UNKL: variants seen among roughly 807,000 people sequenced by gnomAD.
UNKL encodes the protein putative E3 ubiquitin-protein ligase UNKL.
A neutral mutation model predicts 78.0 loss-of-function variants in UNKL; 60 were observed. That is an observed-to-expected ratio of 0.77 (90% CI 0.63 to 0.95). UNKL has a LOEUF of 0.95. Among genes scored for constraint, UNKL ranks in the 40% least tolerant of loss-of-function variants. The pLI is 0.00. For synonymous variants in UNKL, 608 were observed against 474.8 expected (o/e 1.28, Z -3.65); for missense variants, 1,159 against 1,045.7 (o/e 1.11, Z -1.49).
chr16:1,395,829 G>A (rs2037236289), intron 6 of UNKL: 2 of 442,566 alleles, frequency 4.5e-6, no homozygotes, highest in African/African-American at 2.0e-5. Flanking sequence ...ACACCATTGA[G>A]TGTGTGGTCA....
Position 1,366,067 on chromosome 16 carries a change from G to T in UNKL, c.*173C>A. On this transcript the variant is annotated 3_prime_UTR_variant, in exon 15 of 15. Coordinates refer to ENST00000389221, the MANE Select transcript of UNKL (RefSeq NM_001372107.1). ...TAGGTGACAACGTGTGACAGGAAAGGCTGTCAGGCCAAGCGCAGGCGGGGC... is the reference window on the plus strand; with the variant it reads ...TAGGTGACAACGTGTGACAGGAAAGTCTGTCAGGCCAAGCGCAGGCGGGGC... The T allele has an allele frequency of 1.5e-6, 1 of 685,084 alleles. No homozygotes were observed. Among genetic ancestry groups the T allele is most frequent in the Non-Finnish European group, 2.2e-6 (1 of 449,128 alleles). The allele number at this position is 685,084 out of a possible 1,614,324, so 42.4% of individuals were successfully genotyped here.
intron 2 of UNKL, chr16:1,406,169 G>A (rs2037753821): frequency 2.5e-6 from 1 of 397,678 alleles, no homozygotes. Context: ...TGAAACAGCT[G>A]GGGGTGATGG....
At chr16:1,370,096 C>T (rs369723708) in intron 12 of UNKL, 34 bp downstream of exon 12, 23 of 1,542,198 alleles carry the variant, frequency 1.5e-5, no homozygotes, top group East Asian at 2.5e-5. Flanking sequence ...GGAGGCTTCA[C>T]GGCAACGCCA....
At chr16:1,382,988 A>ACACAT (rs2036659513) in intron 10 of UNKL, among the ~76,000 whole-genome samples, 1 of 151,266 alleles carries the variant, frequency 6.6e-6, no homozygotes, top group African/African-American at 2.4e-5. Flanking sequence ...TGCCGGGCAC[A>ACACAT]GTGGCTCACA....
intron 12 of UNKL, chr16:1,368,176 G>A: frequency 4.7e-6 from 2 of 423,360 alleles, no homozygotes; most frequent in Non-Finnish European, 4.3e-6. Flanking sequence ...GAGGGGCAGT[G>A]GTTCTCAGAC....
At position 1,368,583 on chromosome 16, in the gene UNKL, T is replaced by G. The variant is rs1313925951; in HGVS notation, c.1586-725A>C. ...CGCCACTGCAGTCCGCAGTCCGGCC[T>G]GGGCGACAGAATGAGACTCCGTCTC... On this transcript the variant is annotated intron_variant, in intron 12 of 14. Transcript: ENST00000389221. Among the ~76,000 whole-genome samples the G allele has an allele frequency of 8.3e-5, 9 of 108,132 alleles. No individual in the cohort carries two copies. The East Asian group carries it at 2.3e-3, about 28-fold the overall frequency. 70.9% of individuals were successfully genotyped at this position (108,132 alleles called of 152,430 possible).
At chr16:1,378,524 G>A (rs1018810115) in intron 10 of UNKL, among the ~76,000 whole-genome samples, 2 of 152,190 alleles carry the variant, frequency 1.3e-5, no homozygotes, top group African/African-American at 2.4e-5. Flanking sequence ...ACCAGGCTCC[G>A]TGCTAAGTCG....
In UNKL at chr16:1,390,619, TG is replaced by T. The variant is rs1352140983; in HGVS notation, c.1086+12del. The stretch of plus-strand genomic sequence containing the variant: ...CATCAGGCACGAGGGTGGGAAACCT[TG>T]GGGGCCTGTACCTGCTTGCTGTCTT... On this transcript the variant is annotated intron_variant, in intron 9 of 14. Transcript: ENST00000389221. 1.3e-6 allele frequency: 2 copies of T among 1,535,678 alleles called. No homozygotes were observed. Among genetic ancestry groups the T allele is most frequent in the Non-Finnish European group, 1.7e-6 (2 of 1,146,788 alleles).
rs941394725 is a variant in UNKL, at chr16:1,365,935, C to T, written c.*305G>A. The T allele has an allele frequency of 2.6e-5, 7 of 271,892 alleles. No homozygotes were observed. The highest frequency in any genetic ancestry group is 2.1e-4 in the South Asian group (2 of 9,742). The allele number at this position is 271,892 out of a possible 1,614,324, so 16.8% of individuals were successfully genotyped here. ...ACAAACTGCTGTGATCACAGCGCCGCGTGGATCCCGGAGGCACCAGGCCCC... is the reference window on the plus strand; with the variant it reads ...ACAAACTGCTGTGATCACAGCGCCGTGTGGATCCCGGAGGCACCAGGCCCC... On this transcript the variant is annotated 3_prime_UTR_variant, in exon 15 of 15. Transcript: ENST00000389221.
chr16:1,376,715 T>A (rs932306336), intron 10 of UNKL, among the ~76,000 whole-genome samples: 14 of 148,580 alleles, frequency 9.4e-5, no homozygotes, highest in African/African-American at 3.5e-4. Context: ...GACCCCCCCA[T>A]GGACGCCTGA....
chr16:1,377,929 C>G (rs959817725), intron 10 of UNKL, among the ~76,000 whole-genome samples: 3 of 152,204 alleles, frequency 2.0e-5, no homozygotes, highest in Non-Finnish European at 4.4e-5. Flanking sequence ...GCAATAGTAA[C>G]CTTCCTACCA....
intron 3 of UNKL, among the ~76,000 whole-genome samples, chr16:1,402,059 A>G (rs1726155990): frequency 6.6e-6 from 1 of 152,234 alleles, no homozygotes; most frequent in African/African-American, 2.4e-5. Context: ...CACTATGCTC[A>G]GCCCCACCCA....
intron 2 of UNKL, 96 bp downstream of exon 2, chr16:1,413,750 T>C: frequency 2.3e-6 from 3 of 1,326,908 alleles, no homozygotes; most frequent in South Asian, 1.5e-5. Flanking sequence ...GGGCCAGGTA[T>C]GGACACTAAG....
chr16:1,363,353 C>T lies in UNKL; in HGVS notation c.*2887G>A, dbSNP rs1263630001. On this transcript the variant is annotated 3_prime_UTR_variant, in exon 15 of 15. Transcript: ENST00000389221. ...ACAAGTAAATGATTATAAATACTAC[C>T]TTCTGGGTTAAGAAAATTCCATTCA... 2.1e-6 allele frequency: 1 copy of T among 473,460 alleles called. No individual in the cohort carries two copies. The highest frequency in any genetic ancestry group is 3.9e-6 in the Non-Finnish European group (1 of 258,272). 29.3% of individuals were successfully genotyped at this position (473,460 alleles called of 1,614,324 possible).
In UNKL at chr16:1,387,418, C is replaced by G. The variant is rs113354594; in HGVS notation, c.1087-2033G>C. On this transcript the variant is annotated intron_variant, in intron 9 of 14. Coordinates refer to ENST00000389221, the MANE Select transcript of UNKL (RefSeq NM_001372107.1). This position sits in a 1 kb window ranked among gnomAD's most constrained non-coding sequence, Gnocchi z 4.1. ...TTGCACTTCCTGTCCCTGCTTCAGA[C>G]CCTCAGTGTGGCCCCAGGAAGGCTG... is the stretch of plus-strand genomic sequence containing the variant. Among the ~76,000 whole-genome samples the G allele has an allele frequency of 1.7e-3, 257 of 152,310 alleles. 3 individuals carry two copies. The highest frequency in any genetic ancestry group is 5.3e-3 in the African/African-American group (222 of 41,572).
intron 10 of UNKL, among the ~76,000 whole-genome samples, chr16:1,376,458 C>T (rs2036234759): frequency 6.7e-6 from 1 of 149,600 alleles, no homozygotes; most frequent in Non-Finnish European, 1.5e-5. Context: ...CTGGCACACT[C>T]CTCCTCCCTC....
intron 10 of UNKL, among the ~76,000 whole-genome samples, chr16:1,380,886 G>C (rs183020894): frequency 6.6e-6 from 1 of 152,128 alleles, no homozygotes; most frequent in African/African-American, 2.4e-5. Flanking sequence ...TGTTGGTCAG[G>C]CTAGTCTTGA....
intron 2 of UNKL, among the ~76,000 whole-genome samples, chr16:1,406,696 T>C (rs2037779170): frequency 6.6e-6 from 1 of 152,152 alleles, no homozygotes; most frequent in Non-Finnish European, 1.5e-5. Flanking sequence ...GCTTTCCTCT[T>C]GCTCCCAAAG....
intron 6 of UNKL, among the ~76,000 whole-genome samples, chr16:1,394,737 C>A (rs914939607): frequency 6.6e-6 from 1 of 152,160 alleles, no homozygotes; most frequent in Non-Finnish European, 1.5e-5. Flanking sequence ...GTAAAGGACA[C>A]GGCACCTGGC....
Sources: gnomAD v4.1 joint callset for allele counts (sites outside exome capture counted in the v4.1 genomes callset) on GRCh38, gnomAD v4.1.1 for gene constraint, Gnocchi (gnomAD v3.1) non-coding constraint, MANE v1.5 for transcripts, NCBI Gene and HGNC (gene_info 2026-07-23, HGNC 2026-07-21) for gene names.